SRGAP2B: variants seen among roughly 807,000 people sequenced by gnomAD.
SRGAP2B encodes the protein SLIT-ROBO Rho GTPase activating protein 2B.
SRGAP2B carries 9 observed loss-of-function variants against 22.2 expected under a neutral mutation model. The observed-to-expected ratio is 0.41, with a 90% CI of 0.24 to 0.71. SRGAP2B has a LOEUF of 0.71. Ranked by LOEUF, SRGAP2B falls within the 30% of genes least tolerant of loss-of-function variation. The probability of loss-of-function intolerance (pLI) is 0.35; values close to 1 mark genes in which losing one functional copy is unlikely to be tolerated. For missense variants in SRGAP2B, 114 were observed against 235.8 expected, an observed-to-expected ratio of 0.48 and a Z score of 3.38; for synonymous variants, 36 against 87.4, an observed-to-expected ratio of 0.41 and a Z score of 3.28.
At chr1:145,085,062 C>T (rs1553635272) in intron 2 of SRGAP2B, among the ~76,000 whole-genome samples, 1 of 151,402 alleles carries the variant, frequency 6.6e-6, no homozygotes, top group Admixed American at 6.6e-5. Context: ...CCTCCCTCAG[C>T]CTCCTGAGTA....
chr1:145,068,909 G>A lies in SRGAP2B; in HGVS notation c.67+23926C>T, dbSNP rs1255644803. ...TAAGGTAAAATGTGTGTGTGTGTGT[G>A]TGTGTGTGTGTGTGTGTGTGTGTGT... On this transcript the variant is annotated intron_variant, in intron 2 of 9. Coordinates refer to ENST00000612199, the Ensembl canonical transcript of SRGAP2B. Among the ~76,000 whole-genome samples, 457 of 94,824 alleles carry A rather than the reference G, an allele frequency of 4.8e-3. 8 individuals carry two copies. Among genetic ancestry groups the A allele is most frequent in the South Asian group, 0.029 (100 of 3,402 alleles). The allele number at this position is 94,824 out of a possible 152,430, so 62.2% of individuals were successfully genotyped here.
At chr1:144,936,507 G>T (rs1665652412) in intron 4 of SRGAP2B, among the ~76,000 whole-genome samples, 1 of 149,324 alleles carries the variant, frequency 6.7e-6, no homozygotes, top group African/African-American at 2.5e-5. Context: ...CAGGGCTGAT[G>T]GGAGGATGAG....
At position 144,965,207 on chromosome 1, in the gene SRGAP2B, G is replaced by C. The variant is rs1570873568; in HGVS notation, c.261-9606C>G. 9.5e-6 allele frequency: 9 copies of C among 944,882 alleles called. No individual in the cohort carries two copies. In the East Asian group the frequency reaches 2.3e-4, roughly 25 times the overall value. 58.5% of individuals were successfully genotyped at this position (944,882 alleles called of 1,614,324 possible). On this transcript the variant is annotated intron_variant, in intron 3 of 9. Transcript: ENST00000612199. ...CAGCTCCGGTCTACAGCTCCAGCGTGAGCGACACAGAAGACGGGTGATTTC... is the reference window on the plus strand; with the variant it reads ...CAGCTCCGGTCTACAGCTCCAGCGTCAGCGACACAGAAGACGGGTGATTTC...
At chr1:144,925,507 G>A (rs1664602812) in intron 4 of SRGAP2B, among the ~76,000 whole-genome samples, 1 of 143,088 alleles carries the variant, frequency 7.0e-6, no homozygotes, top group Non-Finnish European at 1.5e-5. Flanking sequence ...AGCTGGGCAT[G>A]GTGGCGCATG....
chr1:145,023,723 T>C lies in SRGAP2B; in HGVS notation c.68-28523A>G, dbSNP rs1225869735. 1.4e-5 allele frequency among the ~76,000 whole-genome samples: 2 copies of C among 139,098 alleles called. 1 individual carries two copies. Among genetic ancestry groups the C allele is most frequent in the Non-Finnish European group, 3.2e-5 (2 of 61,728 alleles). The allele number at this position is 139,098 out of a possible 152,430, so 91.3% of individuals were successfully genotyped here. On this transcript the variant is annotated intron_variant, in intron 2 of 9. Coordinates refer to ENST00000612199, the Ensembl canonical transcript of SRGAP2B. Reference sequence around the variant, plus strand: ...CAAACCACTTCAATCCAACAAATCTTTACTGAGCACCTACTACTATGCCCT... The same window carrying C: ...CAAACCACTTCAATCCAACAAATCTCTACTGAGCACCTACTACTATGCCCT...
intron 2 of SRGAP2B, among the ~76,000 whole-genome samples, chr1:145,041,433 G>A (rs1388349645): frequency 2.2e-5 from 3 of 137,032 alleles, no homozygotes; most frequent in Non-Finnish European, 4.6e-5. Context: ...GCTGCAGCAA[G>A]CCATGATCAC....
Position 144,925,514 on chromosome 1 carries a change from C to T in SRGAP2B, c.424-10760G>A, listed in dbSNP as rs1468919940. Among the ~76,000 whole-genome samples the T allele has an allele frequency of 6.3e-5, 9 of 142,646 alleles. 1 individual carries two copies. The highest frequency in any genetic ancestry group is 2.6e-4 in the African/African-American group (9 of 34,320). The allele number at this position is 142,646 out of a possible 152,430, so 93.6% of individuals were successfully genotyped here. A position where few individuals can be genotyped will look rare whatever the true frequency, so the allele number is the denominator to read the frequency against. On this transcript the variant is annotated intron_variant, in intron 4 of 9. Transcript: ENST00000612199. ...CAAAAATTAGCTGGGCATGGTGGCG[C>T]ATGCCTGTAATCCCAGCTATCTGGG...
intron 2 of SRGAP2B, among the ~76,000 whole-genome samples, chr1:145,080,933 C>A (rs1455667731): frequency 6.7e-6 from 1 of 148,942 alleles, no homozygotes; most frequent in Non-Finnish European, 1.5e-5. Context: ...ATGTTTAACC[C>A]CTAGTATTTT....
chr1:144,990,717 T>TG (rs1362128357), intron 3 of SRGAP2B, among the ~76,000 whole-genome samples: 1 of 151,010 alleles, frequency 6.6e-6, no homozygotes, highest in East Asian at 1.9e-4. Flanking sequence ...CGGGTGGGCT[T>TG]GGGCTTGGTG....
intron 2 of SRGAP2B, among the ~76,000 whole-genome samples, chr1:145,070,033 CTTTTTTT>C (rs372504712): frequency 7.1e-6 from 1 of 141,534 alleles, no homozygotes; most frequent in African/African-American, 2.6e-5. Flanking sequence ...GGAATGTCAT[CTTTTTTT>C]TTTTTTTTTT....
intron 2 of SRGAP2B, among the ~76,000 whole-genome samples, chr1:145,061,584 T>A (rs587705155): frequency 6.7e-6 from 1 of 149,858 alleles, no homozygotes; most frequent in Non-Finnish European, 1.5e-5. Flanking sequence ...TATGTGTACA[T>A]TCACTTTTTT....
At chr1:144,954,438 A>AT (rs1667111635) in intron 4 of SRGAP2B, among the ~76,000 whole-genome samples, 1 of 151,548 alleles carries the variant, frequency 6.6e-6, no homozygotes, top group Non-Finnish European at 1.5e-5. Flanking sequence ...TTAATAATGG[A>AT]TTTTGTCACC....
At chr1:144,939,889 T>A (rs1665895097) in intron 4 of SRGAP2B, among the ~76,000 whole-genome samples, 1 of 150,210 alleles carries the variant, frequency 6.7e-6, no homozygotes, top group Non-Finnish European at 1.5e-5. Flanking sequence ...GCAATGCTTA[T>A]GTGGTCAGAT....
intron 2 of SRGAP2B, among the ~76,000 whole-genome samples, chr1:145,017,355 AT>A (rs1672503710): frequency 6.8e-6 from 1 of 146,210 alleles, no homozygotes. Context: ...GATTTAAAAA[AT>A]TTTTTGACAT....
At chr1:144,907,595 G>A (rs1182107881) in intron 5 of SRGAP2B, among the ~76,000 whole-genome samples, 1 of 150,008 alleles carries the variant, frequency 6.7e-6, no homozygotes, top group South Asian at 2.1e-4. Context: ...GGCCCCCAGG[G>A]GAAATGTGGC....
intron 3 of SRGAP2B, among the ~76,000 whole-genome samples, chr1:144,970,421 C>T (rs1172116055): frequency 2.1e-3 from 256 of 122,092 alleles, no homozygotes; most frequent in Non-Finnish European, 3.0e-3. Context: ...ACCGCATATT[C>T]TCACTCATAG....
chr1:145,024,890 G>C (rs1345082856), intron 2 of SRGAP2B, among the ~76,000 whole-genome samples: 1 of 147,496 alleles, frequency 6.8e-6, no homozygotes, highest in Non-Finnish European at 1.5e-5. Flanking sequence ...AACAAGGGAA[G>C]TCTGCAAAGC....
chr1:145,081,210 A>G (rs1553634684), intron 2 of SRGAP2B, among the ~76,000 whole-genome samples: 1 of 148,608 alleles, frequency 6.7e-6, no homozygotes, highest in African/African-American at 2.6e-5. Context: ...TCATCTGTAA[A>G]ATGGGGATAA....
At chr1:145,086,682 A>G (rs1553635545) in intron 2 of SRGAP2B, among the ~76,000 whole-genome samples, 3 of 101,440 alleles carry the variant, frequency 3.0e-5, no homozygotes, top group African/African-American at 4.3e-5. Context: ...ACCCCATCTG[A>G]AAAAAAAAAA....
Sources: gnomAD v4.1 joint callset for allele counts (sites outside exome capture counted in the v4.1 genomes callset) on GRCh38, gnomAD v4.1.1 for gene constraint, MANE v1.5 for transcripts, NCBI Gene and HGNC (gene_info 2026-07-23, HGNC 2026-07-21) for gene names.